The following SVEP1 variants were observed in gnomAD, a reference collection of about 807,000 sequenced individuals.
SVEP1 encodes the protein sushi, von Willebrand factor type A, EGF and pentraxin domain containing 1.
Under a neutral mutation model 367.3 loss-of-function variants are expected in SVEP1, and 164 were observed. That is an observed-to-expected ratio of 0.45 (90% confidence interval 0.39 to 0.51). The LOEUF (loss-of-function observed/expected upper bound fraction) is 0.51, where lower values mean the gene tolerates loss of function less well. Among genes scored for constraint, SVEP1 ranks in the 20% least tolerant of loss-of-function variants. SVEP1 has a pLI of 0.00. For missense variants in SVEP1, 4,117 were observed against 4,425.3 expected, an observed-to-expected ratio of 0.93 and a Z score of 1.98; for synonymous variants, 1,666 against 1,611.6, an observed-to-expected ratio of 1.03 and a Z score of -0.81.
intron 34 of SVEP1, 103 bp from the exon 35 acceptor site, chr9:110,429,437 G>T: frequency 1.2e-6 from 1 of 853,850 alleles, no homozygotes; most frequent in Non-Finnish European, 1.6e-6. Context: ...ATACATATTG[G>T]AAAAGTTGAT....
At chr9:110,504,246 G>C (rs1829589213) in intron 5 of SVEP1, among the ~76,000 whole-genome samples, 1 of 150,874 alleles carries the variant, frequency 6.6e-6, no homozygotes, top group Non-Finnish European at 1.5e-5. Context: ...TTTTTTATTA[G>C]AGATGGGGTT....
intron 9 of SVEP1, 80 bp from the exon 10 acceptor site, chr9:110,483,773 T>G: frequency 9.2e-7 from 1 of 1,085,570 alleles, no homozygotes; most frequent in African/African-American, 1.6e-5. Context: ...AGAACTGAAG[T>G]CGGCTTGTGC....
Position 110,511,487 on chromosome 9 carries a change from C to CATTTTTTTTTTTTTTTTTTTTTTTTTTTT in SVEP1, c.1303+1438_1303+1439insAAAAAAAAAAAAAAAAAAAAAAAAAAAAT, listed in dbSNP as rs1564163441. 4.3e-5 allele frequency among the ~76,000 whole-genome samples: 3 copies of CATTTTTTTTTTTTTTTTTTTTTTTTTTTT among 69,538 alleles called. 1 individual carries two copies. The highest frequency in any genetic ancestry group is 8.1e-5 in the Non-Finnish European group (3 of 36,908). 45.6% of individuals were successfully genotyped at this position (69,538 alleles called of 152,430 possible). ...ACTAGGTCCATTCATTGTGTCAGTA[C>CATTTTTTTTTTTTTTTTTTTTTTTTTTTT]CTTTTTTTTTTTTTTTTTTTTTTTT... On this transcript the variant is annotated intron_variant, in intron 5 of 47. Coordinates refer to ENST00000374469, the MANE Select transcript of SVEP1 (RefSeq NM_153366.4).
chr9:110,541,959 G>A (rs969584122), intron 3 of SVEP1, among the ~76,000 whole-genome samples: 1 of 149,116 alleles, frequency 6.7e-6, no homozygotes, highest in East Asian at 2.0e-4. Context: ...TATGTACATA[G>A]ACATGCATAT....
At chr9:110,401,031 G>C (rs1038748838) in intron 39 of SVEP1, 22 bp from the exon 40 acceptor site, 1 of 1,611,732 alleles carries the variant, frequency 6.2e-7, no homozygotes, top group Non-Finnish European at 8.5e-7. Flanking sequence ...ATAACAAAAT[G>C]TAAGTTATGT....
intron 1 of SVEP1, 81 bp downstream of exon 1, chr9:110,578,932 C>T (rs1196365161): frequency 2.0e-6 from 3 of 1,482,014 alleles, no homozygotes; most frequent in Admixed American, 4.9e-5. Context: ...AGGACTGAAC[C>T]CCGGGATAGA....
At chr9:110,577,716 A>C (rs1830642794) in intron 1 of SVEP1, among the ~76,000 whole-genome samples, 1 of 152,130 alleles carries the variant, frequency 6.6e-6, no homozygotes, top group South Asian at 2.1e-4. Context: ...TGGCCTCACT[A>C]TATAAAGAAC....
At chr9:110,389,418 G>A (rs1827588937) in intron 41 of SVEP1, 106 bp downstream of exon 41, 2 of 1,360,060 alleles carry the variant, frequency 1.5e-6, no homozygotes, top group African/African-American at 1.5e-5. Context: ...TTATGGAGTT[G>A]GCTTACATTT....
intron 27 of SVEP1, among the ~76,000 whole-genome samples, chr9:110,440,844 A>T (rs989838836): frequency 1.3e-5 from 2 of 152,134 alleles, no homozygotes; most frequent in African/African-American, 4.8e-5. Flanking sequence ...ATGGTCCCAC[A>T]CCTGCTCCAC....
intron 1 of SVEP1, among the ~76,000 whole-genome samples, chr9:110,567,044 G>A (rs1442396548): frequency 2.0e-5 from 3 of 152,114 alleles, no homozygotes; most frequent in Non-Finnish European, 4.4e-5. Flanking sequence ...CCTTTGAGAT[G>A]TTACAACTAT....
At chr9:110,504,571 T>C (rs927164410) in intron 5 of SVEP1, among the ~76,000 whole-genome samples, 5 of 152,220 alleles carry the variant, frequency 3.3e-5, no homozygotes, top group Admixed American at 1.3e-4. Flanking sequence ...AGTGGAGCTA[T>C]TACACCAACT....
intron 46 of SVEP1, among the ~76,000 whole-genome samples, chr9:110,372,726 T>G (rs1236565292): frequency 1.3e-5 from 2 of 151,426 alleles, no homozygotes; most frequent in Admixed American, 6.6e-5. Flanking sequence ...GTAAGGAGAT[T>G]GGGGAGGAGA....
chr9:110,387,396 T>C lies in SVEP1; in HGVS notation c.9949A>G (p.Thr3317Ala). The part of the protein sequence containing the change: ...NGKADIENRT[T>A]GPNVVYSCNR... Reference sequence around the variant, plus strand: ...CAGGAATATACCACGTTGGGTCCAGTCGTCCTGTTTTCAATGTCAGCTTTC... The same window carrying C: ...CAGGAATATACCACGTTGGGTCCAGCCGTCCTGTTTTCAATGTCAGCTTTC... Residue 3317 changes from threonine (T) to alanine (A), a missense_variant, in exon 42 of 48, where the codon ACT (threonine) becomes GCT (alanine). Coordinates refer to ENST00000374469, the MANE Select transcript of SVEP1 (RefSeq NM_153366.4). The C allele has an allele frequency of 6.2e-7, 1 of 1,613,430 alleles. No individual in the cohort carries two copies. The highest frequency in any genetic ancestry group is 8.5e-7 in the Non-Finnish European group (1 of 1,179,754).
rs1828364554 is a variant in SVEP1, at chr9:110,432,445, G to T, written c.5233+17C>A. ...GCTAGAATAATCTCATATAGTAGTT[G>T]CCAACATTTATCTCACCAAGGCAGG... On this transcript the variant is annotated intron_variant, in intron 31 of 47. Transcript: ENST00000374469. 1 of 1,604,336 alleles carries T rather than the reference G, an allele frequency of 6.2e-7. No individual in the cohort carries two copies. The highest frequency in any genetic ancestry group is 2.2e-5 in the East Asian group (1 of 44,796).
rs1829205716 is a variant in SVEP1 at position 110,482,394 on chromosome 9, T to C, written c.2137A>G (p.Asn713Asp). The change falls in exon 11 of 48, where the codon AAC becomes GAC. Residue 713 changes from asparagine to aspartate, a missense_variant. Coordinates refer to ENST00000374469, the MANE Select transcript of SVEP1 (RefSeq NM_153366.4). ...ACAATATGGATATCACATGTCCTGT[T>C]ATTGCCTGAGGGGTCAGTGGCTGTA... is the stretch of plus-strand genomic sequence containing the variant. ...QYTATDPSGN[N>D]RTCDIHIVIK... 1 of 1,612,816 alleles carries C rather than the reference T, an allele frequency of 6.2e-7. No homozygotes were observed. The highest frequency in any genetic ancestry group is 2.2e-5 in the East Asian group (1 of 44,866).
At chr9:110,518,254 C>G (rs1447543587) in intron 3 of SVEP1, among the ~76,000 whole-genome samples, 1 of 151,948 alleles carries the variant, frequency 6.6e-6, no homozygotes, top group Non-Finnish European at 1.5e-5. Context: ...GAAACCCCGT[C>G]TCTACTAAAA....
intron 35 of SVEP1, among the ~76,000 whole-genome samples, 183 bp downstream of exon 35, chr9:110,428,960 T>C (rs1047212648): frequency 6.6e-6 from 1 of 152,196 alleles, no homozygotes; most frequent in Middle Eastern, 3.4e-3. Context: ...GTCCCTGCAC[T>C]CAGGAGGCTG....
At chr9:110,555,211 G>A (rs1167343396) in intron 1 of SVEP1, among the ~76,000 whole-genome samples, 2 of 151,180 alleles carry the variant, frequency 1.3e-5, no homozygotes, top group Admixed American at 6.6e-5. Flanking sequence ...TAGAAAGGAG[G>A]AGAAGTGGGG....
Position 110,411,746 on chromosome 9 carries a change from G to T in SVEP1, c.5976-11C>A. ...CCAGCAAGAGTATAGCTGTGAGGTT[G>T]GGAAGAAAGAAAGAATAACTAAGCA... On this transcript the variant is annotated splice_polypyrimidine_tract_variant and intron_variant, in intron 36 of 47. Transcript: ENST00000374469. 1 of 1,498,424 alleles carries T rather than the reference G, an allele frequency of 6.7e-7. No homozygotes were observed. The highest frequency in any genetic ancestry group is 8.9e-7 in the Non-Finnish European group (1 of 1,121,342). The allele number at this position is 1,498,424 out of a possible 1,614,324, so 92.8% of individuals were successfully genotyped here.
Sources: gnomAD v4.1 joint callset for allele counts (sites outside exome capture counted in the v4.1 genomes callset) on GRCh38, gnomAD v4.1.1 for gene constraint, MANE v1.5 for transcripts, NCBI Gene and HGNC (gene_info 2026-07-23, HGNC 2026-07-21) for gene names.